The following SLC25A21 variants were observed in gnomAD, a reference collection of about 807,000 sequenced individuals.
The protein encoded by SLC25A21 is solute carrier family 25 member 21, also known as mitochondrial 2-oxodicarboxylate carrier.
Under a neutral mutation model 43.8 loss-of-function variants are expected in SLC25A21, and 47 were observed. That is an observed-to-expected ratio of 1.07 (90% CI 0.85 to 1.37). The LOEUF is 1.37. Ranked by LOEUF, SLC25A21 falls within the 40% of genes most tolerant of loss-of-function variation. The probability of loss-of-function intolerance (pLI) is 0.00; values close to 1 mark genes in which losing one functional copy is unlikely to be tolerated. For synonymous variants in SLC25A21, 131 were observed against 121.3 expected (o/e 1.08, Z -0.52); for missense variants, 352 against 350.2 (o/e 1.00, Z -0.04).
At chr14:36,880,772 AG>A (rs1416145879) in intron 1 of SLC25A21, among the ~76,000 whole-genome samples, 1 of 152,220 alleles carries the variant, frequency 6.6e-6, no homozygotes, top group East Asian at 1.9e-4. Flanking sequence ...AAGCACAGTA[AG>A]GACCTGAATA....
intron 2 of SLC25A21, among the ~76,000 whole-genome samples, chr14:36,873,751 C>T (rs925665246): frequency 1.1e-4 from 17 of 152,074 alleles, no homozygotes; most frequent in African/African-American, 4.1e-4. Context: ...TAAATGAGGT[C>T]ATGAGGGTCT....
intron 2 of SLC25A21, among the ~76,000 whole-genome samples, chr14:36,841,320 A>AT (rs1199824249): frequency 3.9e-5 from 6 of 152,248 alleles, no homozygotes; most frequent in Non-Finnish European, 8.8e-5. Context: ...TTCCAATTCT[A>AT]TAAGAATTGC....
chr14:37,016,215 T>C (rs922669126), intron 1 of SLC25A21, among the ~76,000 whole-genome samples: 21 of 152,214 alleles, frequency 1.4e-4, no homozygotes, highest in African/African-American at 5.1e-4. Context: ...GAATTAATTT[T>C]TGTATAAAGT....
At chr14:36,743,492 A>G (rs1885360281) in intron 3 of SLC25A21, among the ~76,000 whole-genome samples, 1 of 152,156 alleles carries the variant, frequency 6.6e-6, no homozygotes, top group African/African-American at 2.4e-5. Flanking sequence ...AGACAACCCA[A>G]TCATGGAGCA....
At chr14:36,956,258 T>G (rs1959339378) in intron 1 of SLC25A21, among the ~76,000 whole-genome samples, 1 of 152,212 alleles carries the variant, frequency 6.6e-6, no homozygotes, top group African/African-American at 2.4e-5. Context: ...CAGAGATGCA[T>G]AGTACACGCA....
At chr14:36,923,249 A>C (rs554391152) in intron 1 of SLC25A21, among the ~76,000 whole-genome samples, 1 of 152,334 alleles carries the variant, frequency 6.6e-6, no homozygotes, top group East Asian at 1.9e-4. Flanking sequence ...CAAAGATAAC[A>C]GTGACAGCAC....
chr14:36,865,988 C>T (rs541337660), intron 2 of SLC25A21, among the ~76,000 whole-genome samples: 1 of 152,166 alleles, frequency 6.6e-6, no homozygotes, highest in African/African-American at 2.4e-5. Context: ...AGGATGACAG[C>T]CAAAGTATGC....
chr14:36,711,578 G>T, intron 6 of SLC25A21, 96 bp from the exon 7 acceptor site: 1 of 1,365,906 alleles, frequency 7.3e-7, no homozygotes, highest in South Asian at 1.6e-5. Flanking sequence ...AGAATTATTA[G>T]GGACTTTTTT....
intron 1 of SLC25A21, among the ~76,000 whole-genome samples, chr14:37,151,533 G>A (rs763558272): frequency 4.6e-5 from 7 of 152,170 alleles, no homozygotes; most frequent in Non-Finnish European, 7.4e-5. Flanking sequence ...TCAAGAAAAA[G>A]CTGTGGTATT....
intron 3 of SLC25A21, among the ~76,000 whole-genome samples, chr14:36,810,745 A>T (rs1888210422): frequency 6.6e-6 from 1 of 152,196 alleles, no homozygotes; most frequent in Non-Finnish European, 1.5e-5. Flanking sequence ...GCCAGACACA[A>T]GTATAAGGAA....
chr14:36,868,763 C>A (rs1890284469), intron 2 of SLC25A21, among the ~76,000 whole-genome samples: 1 of 152,188 alleles, frequency 6.6e-6, no homozygotes, highest in South Asian at 2.1e-4. Flanking sequence ...TCCTACTCTG[C>A]TCTGTAATGT....
rs111754536 is a variant in SLC25A21, at chr14:36,924,477, A to G, written c.71-49473T>C. 9.6e-3 allele frequency among the ~76,000 whole-genome samples: 1,460 copies of G among 152,052 alleles called. 30 individuals carry two copies. Among genetic ancestry groups the G allele is most frequent in the African/African-American group, 0.033 (1,352 of 41,464 alleles). On this transcript the variant is annotated intron_variant, in intron 1 of 9. Transcript: ENST00000331299. ...CACTCATAGGTGGGAATTGAACAAT[A>G]AGAACATTTGGACACAGGGTGGGGA...
chr14:36,680,077 AAC>A lies in SLC25A21; in HGVS notation c.*579_*580del, dbSNP rs1491400227. ...TGATATGTGCATAGTTACTAAAAAAAACCAACAGATTTACATTTTAACATAGT... is the reference window on the plus strand; with the variant it reads ...TGATATGTGCATAGTTACTAAAAAAACAACAGATTTACATTTTAACATAGT... On this transcript the variant is annotated 3_prime_UTR_variant, in exon 10 of 10. Coordinates refer to ENST00000331299, the MANE Select transcript of SLC25A21 (RefSeq NM_030631.4). 2.3e-6 allele frequency: 2 copies of A among 878,244 alleles called. No individual in the cohort carries two copies. Among genetic ancestry groups the A allele is most frequent in the African/African-American group, 3.7e-5 (2 of 54,772 alleles). 54.4% of individuals were successfully genotyped at this position (878,244 alleles called of 1,614,324 possible).
intron 2 of SLC25A21, among the ~76,000 whole-genome samples, chr14:36,853,725 G>C (rs1029594590): frequency 1.3e-5 from 2 of 152,212 alleles, no homozygotes; most frequent in African/African-American, 4.8e-5. Flanking sequence ...TGCTGGACCA[G>C]CGACAAATGC....
chr14:36,774,181 T>G (rs1298992210), intron 3 of SLC25A21, among the ~76,000 whole-genome samples: 1 of 152,222 alleles, frequency 6.6e-6, no homozygotes, highest in Non-Finnish European at 1.5e-5. Flanking sequence ...CAAGCTCTTG[T>G]ACAAAAAGGA....
intron 2 of SLC25A21, among the ~76,000 whole-genome samples, chr14:36,826,754 C>T (rs902040511): frequency 1.3e-5 from 2 of 152,146 alleles, no homozygotes; most frequent in Non-Finnish European, 1.5e-5. Flanking sequence ...TGGCTAAGTT[C>T]GAACATTCCC....
chr14:36,890,311 T>C (rs1566713993), intron 1 of SLC25A21, among the ~76,000 whole-genome samples: 1 of 152,186 alleles, frequency 6.6e-6, no homozygotes, highest in Admixed American at 6.6e-5. Flanking sequence ...AGACTCACAT[T>C]TAACCAGGTT....
At chr14:36,813,695 T>A (rs1266992211) in intron 3 of SLC25A21, among the ~76,000 whole-genome samples, 1 of 152,222 alleles carries the variant, frequency 6.6e-6, no homozygotes, top group Non-Finnish European at 1.5e-5. Flanking sequence ...TAAATTAAGA[T>A]TTGTCCTCTA....
chr14:36,935,823 C>T (rs1230647673), intron 1 of SLC25A21, among the ~76,000 whole-genome samples: 2 of 152,244 alleles, frequency 1.3e-5, no homozygotes, highest in Non-Finnish European at 1.5e-5. Flanking sequence ...TCATCCTCTC[C>T]ATTTTTAATT....
Sources: gnomAD v4.1 joint callset for allele counts (sites outside exome capture counted in the v4.1 genomes callset) on GRCh38, gnomAD v4.1.1 for gene constraint, MANE v1.5 for transcripts, NCBI Gene and HGNC (gene_info 2026-07-23, HGNC 2026-07-21) for gene names.